Variants in ABLIM1 observed in about 807,000 individuals in gnomAD.
ABLIM1 encodes the protein actin-binding LIM protein 1.
In ABLIM1, 40 loss-of-function variants were observed where a neutral mutation model predicts 107.0. The observed-to-expected ratio is 0.37, with a 90% confidence interval of 0.29 to 0.49. The LOEUF is 0.49. Among genes scored for constraint, ABLIM1 ranks in the 20% least tolerant of loss-of-function variants. The probability of loss-of-function intolerance (pLI) is 0.97; values close to 1 mark genes in which losing one functional copy is unlikely to be tolerated. For missense variants in ABLIM1, 857 were observed against 1,008.5 expected (o/e 0.85, Z 2.04); for synonymous variants, 357 against 357.3 (o/e 1.00, Z 0.01).
chr10:114,557,465 C>T (rs561791143), intron 4 of ABLIM1, among the ~76,000 whole-genome samples: 28 of 152,274 alleles, frequency 1.8e-4, no homozygotes, highest in African/African-American at 6.3e-4. Flanking sequence ...CCTCCACAAC[C>T]TGGTATTTGG....
intron 4 of ABLIM1, among the ~76,000 whole-genome samples, chr10:114,568,232 T>C (rs960225324): frequency 4.7e-5 from 7 of 148,670 alleles, no homozygotes; most frequent in Non-Finnish European, 1.0e-4. Context: ...TACTTTCTAC[T>C]TCCACTTAGG....
At chr10:114,788,061 G>C in the ABLIM1 span, among the ~76,000 whole-genome samples, 1 of 150,380 alleles carries the variant, frequency 6.6e-6, no homozygotes, top group South Asian at 2.1e-4. Flanking sequence ...AACATGTGCT[G>C]TGTCCACTCA....
chr10:114,469,609 T>C (rs1430045168), intron 10 of ABLIM1, among the ~76,000 whole-genome samples: 1 of 152,260 alleles, frequency 6.6e-6, no homozygotes, highest in Non-Finnish European at 1.5e-5. Flanking sequence ...CTCTTTACTC[T>C]GCTTCATTTC....
chr10:114,732,026 A>G (rs188172936), intron 1 of ABLIM1, among the ~76,000 whole-genome samples: 1 of 152,192 alleles, frequency 6.6e-6, no homozygotes, highest in Admixed American at 6.5e-5. Context: ...GTGGCACACT[A>G]TTTTACATTC....
At chr10:114,742,887 C>T (rs765422903) in intron 1 of ABLIM1, among the ~76,000 whole-genome samples, 1 of 152,120 alleles carries the variant, frequency 6.6e-6, no homozygotes, top group African/African-American at 2.4e-5. Flanking sequence ...TGTGCCATTG[C>T]ACTCCAGCCT....
chr10:114,797,904 A>G, the ABLIM1 span, among the ~76,000 whole-genome samples: 1 of 152,238 alleles, frequency 6.6e-6, no homozygotes, highest in Non-Finnish European at 1.5e-5. Flanking sequence ...TATCTGAGTA[A>G]CATAACACAT....
the ABLIM1 span, among the ~76,000 whole-genome samples, chr10:114,781,555 T>A: frequency 9.8e-3 from 260 of 26,614 alleles, 1 homozygote; most frequent in African/African-American, 0.023. Flanking sequence ...TCTATATATG[T>A]GTGTGTGTGT....
At chr10:114,462,994 T>C in intron 12 of ABLIM1, 1 of 1,304,310 alleles carries the variant, frequency 7.7e-7, no homozygotes, top group African/African-American at 1.5e-5. Context: ...CCCAGGGTGC[T>C]AATAAATCTC....
At chr10:114,763,430 C>T (rs563729375) in intron 1 of ABLIM1, among the ~76,000 whole-genome samples, 1 of 151,750 alleles carries the variant, frequency 6.6e-6, no homozygotes, top group African/African-American at 2.4e-5. Context: ...GACTGTTGAC[C>T]AGGCTGGAGT....
At chr10:114,737,767 T>C (rs1168331777) in intron 1 of ABLIM1, among the ~76,000 whole-genome samples, 2 of 152,178 alleles carry the variant, frequency 1.3e-5, no homozygotes, top group Non-Finnish European at 2.9e-5. Flanking sequence ...CAAATGATTA[T>C]GGTCTCAGGA....
At chr10:114,718,228 T>C (rs1338533872) in intron 1 of ABLIM1, among the ~76,000 whole-genome samples, 2 of 152,072 alleles carry the variant, frequency 1.3e-5, no homozygotes, top group African/African-American at 2.4e-5. Flanking sequence ...GGCAGGTAAC[T>C]AACTAGATGG....
At chr10:114,513,374 C>A (rs1260162070) in intron 6 of ABLIM1, among the ~76,000 whole-genome samples, 2 of 152,114 alleles carry the variant, frequency 1.3e-5, no homozygotes, top group African/African-American at 4.8e-5. Flanking sequence ...AAATTAGCTT[C>A]ATTTCAGTAA....
chr10:114,787,713 T>C, the ABLIM1 span, among the ~76,000 whole-genome samples: 5,443 of 119,736 alleles, frequency 0.045, 797 homozygotes, highest in African/African-American at 0.16. Context: ...GGTGGGGGGG[T>C]CAGCCCCCCG....
intron 1 of ABLIM1, among the ~76,000 whole-genome samples, chr10:114,631,526 G>A (rs1279610050): frequency 6.6e-6 from 1 of 152,154 alleles, no homozygotes; most frequent in African/African-American, 2.4e-5. Flanking sequence ...GCCCTTTCAT[G>A]ACACATCTTA....
At chr10:114,742,602 G>T (rs151289885) in intron 1 of ABLIM1, among the ~76,000 whole-genome samples, 1 of 152,086 alleles carries the variant, frequency 6.6e-6, no homozygotes, top group African/African-American at 2.4e-5. Context: ...TTAGTGTGCC[G>T]CAGTTTTCTC....
rs1418391342 is a variant in ABLIM1 at position 114,707,144 on chromosome 10, G to A, written c.-213+60917C>T. On this transcript the variant is annotated intron_variant, in intron 1 of 15. Transcript: ENST00000651092. The surrounding 1 kb of genome is among the most constrained non-coding windows in gnomAD (Gnocchi z 4.1). ...TCAAAAATACTGTCATTTCAAACGT[G>A]GTCAATGACCACATGTGATGAGTGA... is the stretch of plus-strand genomic sequence containing the variant. Among the ~76,000 whole-genome samples the A allele has an allele frequency of 6.6e-6, 1 of 152,068 alleles. No individual in the cohort carries two copies. The highest frequency in any genetic ancestry group is 1.5e-5 in the Non-Finnish European group (1 of 68,006).
intron 1 of ABLIM1, among the ~76,000 whole-genome samples, chr10:114,665,904 C>A (rs532398640): frequency 7.2e-5 from 11 of 152,288 alleles, no homozygotes; most frequent in African/African-American, 2.4e-4. Flanking sequence ...GAATCCCAGG[C>A]CTTAATAGGA....
At chr10:114,485,371 T>C in intron 8 of ABLIM1, 2 of 1,612,308 alleles carry the variant, frequency 1.2e-6, no homozygotes, top group Non-Finnish European at 1.7e-6. Context: ...GAACGCCGAA[T>C]GTTTGGCAGC....
At chr10:114,744,267 T>C (rs965701919) in intron 1 of ABLIM1, among the ~76,000 whole-genome samples, 9 of 152,218 alleles carry the variant, frequency 5.9e-5, no homozygotes, top group Admixed American at 5.2e-4. Context: ...GGCCATTTAT[T>C]CTCAGGCTCT....
Sources: allele counts gnomAD v4.1 joint callset (sites outside exome capture counted in the v4.1 genomes callset), GRCh38; gene constraint gnomAD v4.1.1; non-coding constraint Gnocchi (gnomAD v3.1); transcripts MANE v1.5; gene names NCBI Gene and HGNC (gene_info 2026-07-23, HGNC 2026-07-21).